COL6A6: variants seen among roughly 807,000 people sequenced by gnomAD.
COL6A6 encodes collagen alpha-6(VI) chain.
Under a neutral mutation model 208.6 loss-of-function variants are expected in COL6A6, and 183 were observed. The ratio of observed to expected loss-of-function variants is 0.88; its 90% CI spans 0.78 to 0.99. The LOEUF is 0.99. Ranked by LOEUF, COL6A6 falls within the 50% of genes least tolerant of loss-of-function variation. COL6A6 has a pLI of 0.00. For missense variants in COL6A6, 2,816 were observed against 2,815.2 expected (o/e 1.00, Z -0.01); for synonymous variants, 973 against 1,011.8 (o/e 0.96, Z 0.73).
rs1385687797 is a variant in COL6A6, at chr3:130,649,082, C to T, written c.5253C>T (p.Cys1751=). Residue 1751 remains cysteine, a synonymous_variant, in exon 33 of 37, where the codon TGC becomes TGT. Coordinates refer to ENST00000358511, the MANE Select transcript of COL6A6 (RefSeq NM_001102608.3). The stretch of plus-strand genomic sequence containing the variant: ...ATGGTCTTTTAGGAAAACCGGAATG[C>T]CCAGTGCACCCAACCGAGTTGGTGT... The part of the protein sequence containing the change: ...RSPGRHGKPE[C]PVHPTELVFA... 6.4e-7 allele frequency: 1 copy of T among 1,565,546 alleles called. No individual in the cohort carries two copies. The highest frequency in any genetic ancestry group is 8.7e-7 in the Non-Finnish European group (1 of 1,154,400).
intron 26 of COL6A6, among the ~76,000 whole-genome samples, chr3:130,628,670 T>A (rs997548187): frequency 6.6e-6 from 1 of 152,300 alleles, no homozygotes; most frequent in Admixed American, 6.5e-5. Context: ...AAATGAATGA[T>A]CAAGTTTAGA....
intron 2 of COL6A6, among the ~76,000 whole-genome samples, chr3:130,562,644 A>T (rs1330245325): frequency 6.6e-6 from 1 of 152,204 alleles, no homozygotes; most frequent in Admixed American, 6.5e-5. Context: ...ATGGAGTTTG[A>T]GTTTCAATTA....
intron 3 of COL6A6, 117 bp from the exon 4 acceptor site, chr3:130,564,877 A>G: frequency 1.8e-6 from 2 of 1,136,996 alleles, no homozygotes; most frequent in East Asian, 2.4e-5. Context: ...TTATTTGTCT[A>G]CCTCCTTCTC....
chr3:130,620,926 GA>G (rs2064696486), intron 23 of COL6A6, among the ~76,000 whole-genome samples: 1 of 152,184 alleles, frequency 6.6e-6, no homozygotes, highest in Non-Finnish European at 1.5e-5. Context: ...TACCAAAAGA[GA>G]TTTCTCTTTC....
At chr3:130,527,890 C>CTTTTTTTTTTTTTTTTTT (rs56110472) in intron 1 of COL6A6, among the ~76,000 whole-genome samples, 8 of 57,816 alleles carry the variant, frequency 1.4e-4, no homozygotes, top group Non-Finnish European at 2.4e-4. Flanking sequence ...GTTACTTTTC[C>CTTTTTTTTTTTTTTTTTT]TTTTTTTTTT....
intron 12 of COL6A6, among the ~76,000 whole-genome samples, chr3:130,590,358 A>G (rs1225489624): frequency 1.7e-5 from 2 of 114,898 alleles, no homozygotes; most frequent in African/African-American, 6.7e-5. Context: ...CTTGTGCACA[A>G]CGTGCAGGTC....
rs892766544 is a variant in COL6A6, at chr3:130,585,145, A to G, written c.3971-1361A>G. Among the ~76,000 whole-genome samples the G allele has an allele frequency of 5.3e-5, 8 of 152,234 alleles. No individual in the cohort carries two copies. The East Asian group carries it at 1.5e-3, about 29-fold the overall frequency. On this transcript the variant is annotated intron_variant, in intron 10 of 36. Transcript: ENST00000358511. ...CCCAATTCTCATCAAAGGATTCTTT[A>G]CCCATCAATAATAAAATGAGAAAAA... is the stretch of plus-strand genomic sequence containing the variant.
intron 26 of COL6A6, among the ~76,000 whole-genome samples, 177 bp from the exon 27 acceptor site, chr3:130,634,413 C>G (rs1439430849): frequency 1.3e-5 from 2 of 152,114 alleles, no homozygotes; most frequent in African/African-American, 4.8e-5. Flanking sequence ...AATACTTTAA[C>G]TTATAATTTA....
intron 1 of COL6A6, among the ~76,000 whole-genome samples, chr3:130,546,719 C>T (rs994209823): frequency 6.6e-6 from 1 of 152,134 alleles, no homozygotes; most frequent in South Asian, 2.1e-4. Context: ...AGACACAGAG[C>T]ACCGACTGGT....
At chr3:130,668,440 T>C (rs1463427477) in intron 36 of COL6A6, among the ~76,000 whole-genome samples, 1 of 152,080 alleles carries the variant, frequency 6.6e-6, no homozygotes, top group Non-Finnish European at 1.5e-5. Flanking sequence ...ATCACACCAT[T>C]GCACTCCAGC....
At chr3:130,649,004 C>G in intron 32 of COL6A6, 65 bp from the exon 33 acceptor site, 1 of 1,293,404 alleles carries the variant, frequency 7.7e-7, no homozygotes, top group Non-Finnish European at 1.0e-6. Flanking sequence ...AATTACTTTG[C>G]CTTCTATGTA....
intron 33 of COL6A6, among the ~76,000 whole-genome samples, chr3:130,654,710 G>C (rs1006182024): frequency 6.6e-6 from 1 of 152,164 alleles, no homozygotes; most frequent in Non-Finnish European, 1.5e-5. Context: ...TGCCCACATA[G>C]AGCTGACTTA....
At chr3:130,652,025 A>G (rs1302312229) in intron 33 of COL6A6, among the ~76,000 whole-genome samples, 1 of 152,234 alleles carries the variant, frequency 6.6e-6, no homozygotes, top group Non-Finnish European at 1.5e-5. Flanking sequence ...TAAATTCTTC[A>G]TAATGACCCC....
chr3:130,608,881 A>G, intron 21 of COL6A6, 21 bp from the exon 22 acceptor site: 1 of 1,592,614 alleles, frequency 6.3e-7, no homozygotes, highest in Non-Finnish European at 8.6e-7. Context: ...GTGTTAACAG[A>G]TTGATTCTTT....
chr3:130,669,981 G>A (rs2066171968), intron 36 of COL6A6, among the ~76,000 whole-genome samples: 1 of 152,190 alleles, frequency 6.6e-6, no homozygotes, highest in South Asian at 2.1e-4. Flanking sequence ...TACTTTTATT[G>A]TGTGATGTGT....
Position 130,592,725 on chromosome 3 carries a change from A to T in COL6A6, c.4371+3A>T. The T allele has an allele frequency of 6.2e-7, 1 of 1,610,806 alleles. No homozygotes were observed. The highest frequency in any genetic ancestry group is 1.1e-5 in the South Asian group (1 of 90,622). Reference sequence around the variant, plus strand: ...ACAGAGGACTAAATGGACAGGAGGTATGTTACCAGGCACATCCATTTACCT... The same window carrying T: ...ACAGAGGACTAAATGGACAGGAGGTTTGTTACCAGGCACATCCATTTACCT... On this transcript the variant is annotated splice_donor_region_variant and intron_variant, in intron 15 of 36. Coordinates refer to ENST00000358511, the MANE Select transcript of COL6A6 (RefSeq NM_001102608.3).
rs746982909 is a variant in COL6A6 at position 130,594,304 on chromosome 3, T to G, written c.4494T>G (p.Thr1498=). 2.5e-6 allele frequency: 4 copies of G among 1,613,396 alleles called. No homozygotes were observed. The African/African-American group carries it at 5.3e-5, about 22-fold the overall frequency. ...AGGGAAGCCCAGGGAAGAGAGGGAC[T>G]CCTGGTGACCGTGGAGCAAAGGGCC... ...GSQGSPGKRG[T]PGDRGAKGLR... is the part of the protein sequence containing the mutation. The change falls in exon 18 of 37, where the codon ACT becomes ACG. Residue 1498 remains threonine, a synonymous_variant. Transcript: ENST00000358511.
At position 130,595,030 on chromosome 3, in the gene COL6A6, C is replaced by A. The variant is rs1301389532; in HGVS notation, c.4533+687C>A. Among the ~76,000 whole-genome samples the A allele has an allele frequency of 2.6e-5, 4 of 152,188 alleles. No homozygotes were observed. In the East Asian group the frequency reaches 7.7e-4, roughly 29 times the overall value. On this transcript the variant is annotated intron_variant, in intron 18 of 36. Coordinates refer to ENST00000358511, the MANE Select transcript of COL6A6 (RefSeq NM_001102608.3). ...GATGAGATATGGGAGGAGACACAGC[C>A]AAACCACTATCAGTTCTCCAAGAAT...
intron 18 of COL6A6, among the ~76,000 whole-genome samples, chr3:130,595,637 TC>T (rs1319857126): frequency 2.6e-5 from 4 of 152,246 alleles, no homozygotes; most frequent in Non-Finnish European, 5.9e-5. Context: ...TAACAATAGT[TC>T]ATTCAATTTC....
Sources: gnomAD v4.1 joint callset for allele counts (sites outside exome capture counted in the v4.1 genomes callset) on GRCh38, gnomAD v4.1.1 for gene constraint, MANE v1.5 for transcripts, NCBI Gene and HGNC (gene_info 2026-07-23, HGNC 2026-07-21) for gene names.